Variants in SMDT1 observed in about 807,000 individuals in gnomAD.
SMDT1 encodes essential MCU regulator, mitochondrial.
In SMDT1, 6 loss-of-function variants were observed where a neutral mutation model predicts 5.9. The ratio of observed to expected loss-of-function variants is 1.03; its 90% confidence interval spans 0.56 to 2.02. The LOEUF (loss-of-function observed/expected upper bound fraction) is 2.02, where lower values mean the gene tolerates loss of function less well. Ranked by LOEUF, SMDT1 falls within the 30% of genes most tolerant of loss-of-function variation. The pLI is 0.00. For missense variants in SMDT1, 159 were observed against 145.6 expected (o/e 1.09, Z -0.47); for synonymous variants, 81 against 62.4 (o/e 1.30, Z -1.40).
chr22:42,080,055 C>A, intron 1 of SMDT1, 101 bp downstream of exon 1: 1 of 1,291,974 alleles, frequency 7.7e-7, no homozygotes, highest in Non-Finnish European at 1.1e-6. Flanking sequence ...CCAATCATAA[C>A]GATTACCGTA....
At position 42,083,873 on chromosome 22, in the gene SMDT1, T is replaced by A. The variant is rs1927972321; in HGVS notation, c.*758T>A. On this transcript the variant is annotated 3_prime_UTR_variant, in exon 3 of 3. Coordinates refer to ENST00000331479, the MANE Select transcript of SMDT1 (RefSeq NM_033318.5). Reference sequence around the variant, plus strand: ...CAGGCCATAGAAACTAAAAGTATAATCTTCCTTTGCCCGTCTTCCAGTTGG... The same window carrying A: ...CAGGCCATAGAAACTAAAAGTATAAACTTCCTTTGCCCGTCTTCCAGTTGG... The A allele has an allele frequency of 6.6e-6, 1 of 152,170 alleles. No homozygotes were observed. Among genetic ancestry groups the A allele is most frequent in the South Asian group, 2.1e-4 (1 of 4,832 alleles). The allele number at this position is 152,170 out of a possible 1,614,324, so 9.4% of individuals were successfully genotyped here. A position where few individuals can be genotyped will look rare whatever the true frequency, so the allele number is the denominator to read the frequency against.
At chr22:42,081,832 G>A in intron 1 of SMDT1, 93 bp from the exon 2 acceptor site, 1 of 1,437,524 alleles carries the variant, frequency 7.0e-7, no homozygotes. Context: ...GCTTATGATG[G>A]GTCTGAGGGT....
chr22:42,082,528 A>G (rs1311502772), intron 2 of SMDT1, among the ~76,000 whole-genome samples: 1 of 152,198 alleles, frequency 6.6e-6, no homozygotes, highest in Non-Finnish European at 1.5e-5. Flanking sequence ...TATGTGCTGC[A>G]TGGCATTCTG....
In SMDT1 at chr22:42,079,826, C is replaced by T; in HGVS notation, c.58C>T (p.Arg20Trp). The T allele has an allele frequency of 1.9e-6, 3 of 1,613,442 alleles. No individual in the cohort carries two copies. The highest frequency in any genetic ancestry group is 4.5e-5 in the East Asian group (2 of 44,862). ...VLAPVRSGAL[R>W]SGPSLRKDGD... Reference sequence around the variant, plus strand: ...GGCACCCGTCAGGTCCGGGGCTCTCCGGAGCGGGCCTAGCTTGAGGAAAGA... The same window carrying T: ...GGCACCCGTCAGGTCCGGGGCTCTCTGGAGCGGGCCTAGCTTGAGGAAAGA... The change falls in exon 1 of 3, where the codon CGG becomes TGG. Residue 20 changes from arginine to tryptophan, a missense_variant. By Grantham distance (101) the Arg-to-Trp change is moderately radical. Coordinates refer to ENST00000331479, the MANE Select transcript of SMDT1 (RefSeq NM_033318.5).
rs978736889 is a variant in SMDT1 at position 42,083,535 on chromosome 22, A to G, written c.*420A>G. The G allele has an allele frequency of 6.6e-6, 1 of 152,196 alleles. No homozygotes were observed. Among genetic ancestry groups the G allele is most frequent in the Admixed American group, 6.5e-5 (1 of 15,274 alleles). The allele number at this position is 152,196 out of a possible 1,614,324, so 9.4% of individuals were successfully genotyped here. A position where few individuals can be genotyped will look rare whatever the true frequency, so the allele number is the denominator to read the frequency against. Reference sequence around the variant, plus strand: ...TATTTTCATTGTTTACAAAAGCCCAACAGAAACTGTGCATTTTCCCTTAAG... The same window carrying G: ...TATTTTCATTGTTTACAAAAGCCCAGCAGAAACTGTGCATTTTCCCTTAAG... On this transcript the variant is annotated 3_prime_UTR_variant, in exon 3 of 3. Transcript: ENST00000331479.
chr22:42,082,683 C>G (rs1050007400), intron 2 of SMDT1, among the ~76,000 whole-genome samples: 1 of 152,210 alleles, frequency 6.6e-6, no homozygotes, highest in African/African-American at 2.4e-5. Context: ...TTTTCACACT[C>G]ATACCCACCC....
At chr22:42,082,943 G>A (rs757003420) in intron 2 of SMDT1, among the ~76,000 whole-genome samples, 176 bp from the exon 3 acceptor site, 5 of 152,272 alleles carry the variant, frequency 3.3e-5, no homozygotes, top group South Asian at 2.1e-4. Context: ...ATACATTGCG[G>A]CCCCCAGTGC....
At chr22:42,080,089 C>A in intron 1 of SMDT1, 135 bp downstream of exon 1, 1 of 994,860 alleles carries the variant, frequency 1.0e-6, no homozygotes, top group Non-Finnish European at 1.4e-6. Flanking sequence ...ACCAAGAATA[C>A]GCTAATGAGT....
intron 1 of SMDT1, among the ~76,000 whole-genome samples, 177 bp from the exon 2 acceptor site, chr22:42,081,748 C>T (rs1427532064): frequency 6.6e-6 from 1 of 152,194 alleles, no homozygotes; most frequent in East Asian, 1.9e-4. Flanking sequence ...AGGTGTGAGC[C>T]ACCCTGCCTG....
chr22:42,080,575 G>C (rs568254254), intron 1 of SMDT1, among the ~76,000 whole-genome samples: 2 of 152,216 alleles, frequency 1.3e-5, no homozygotes, highest in Admixed American at 1.3e-4. Flanking sequence ...TCACATGCTT[G>C]AGTTTTTCTA....
At chr22:42,081,879 C>T (rs987588801) in intron 1 of SMDT1, 46 bp from the exon 2 acceptor site, 3 of 1,610,290 alleles carry the variant, frequency 1.9e-6, no homozygotes, top group Non-Finnish European at 2.5e-6. Context: ...TTGGTCCTGC[C>T]AGAGTGGGCT....
At position 42,083,706 on chromosome 22, in the gene SMDT1, T is replaced by C. The variant is rs930329111; in HGVS notation, c.*591T>C. Reference sequence around the variant, plus strand: ...ATATGAGGATATAGATAGGTTTTCATCTATTTCCTGGCTTATAACTCCCAA... The same window carrying C: ...ATATGAGGATATAGATAGGTTTTCACCTATTTCCTGGCTTATAACTCCCAA... On this transcript the variant is annotated 3_prime_UTR_variant, in exon 3 of 3. Transcript: ENST00000331479. The C allele has an allele frequency of 1.3e-5, 2 of 152,198 alleles. No homozygotes were observed. Among genetic ancestry groups the C allele is most frequent in the African/African-American group, 2.4e-5 (1 of 41,448 alleles). The allele number at this position is 152,198 out of a possible 1,614,324, so 9.4% of individuals were successfully genotyped here. A position where few individuals can be genotyped will look rare whatever the true frequency, so the allele number is the denominator to read the frequency against.
rs895630982 is a variant in SMDT1 at position 42,083,320 on chromosome 22, GCAAT to G, written c.*209_*212del. 8 of 152,596 alleles carry G rather than the reference GCAAT, an allele frequency of 5.2e-5. No homozygotes were observed. The highest frequency in any genetic ancestry group is 2.4e-5 in the African/African-American group (1 of 41,440). The allele number at this position is 152,596 out of a possible 1,614,324, so 9.5% of individuals were successfully genotyped here. The stretch of plus-strand genomic sequence containing the variant: ...TGTCCACTAAGCACTGCACAAACAA[GCAAT>G]CAAATTATGAATAAACATAATAAAT... On this transcript the variant is annotated 3_prime_UTR_variant, in exon 3 of 3. Transcript: ENST00000331479.
chr22:42,080,089 C>G, intron 1 of SMDT1, 135 bp downstream of exon 1: 1 of 994,860 alleles, frequency 1.0e-6, no homozygotes, highest in Non-Finnish European at 1.4e-6. Context: ...ACCAAGAATA[C>G]GCTAATGAGT....
In SMDT1 at chr22:42,081,987, C is replaced by G. The variant is rs768943522; in HGVS notation, c.249C>G (p.Leu83=). 3 of 1,613,944 alleles carry G rather than the reference C, an allele frequency of 1.9e-6. No individual in the cohort carries two copies. Among genetic ancestry groups the G allele is most frequent in the Non-Finnish European group, 2.5e-6 (3 of 1,180,040 alleles). The change falls in exon 2 of 3, where the codon CTC becomes CTG. Residue 83 remains leucine (L), a synonymous_variant. Transcript: ENST00000331479. Reference sequence around the variant, plus strand: ...TCCCCTTTCTCTATGTCGGGACACTCATTAGCAAGAACTTTGCTGCTCTAC... The same window carrying G: ...TCCCCTTTCTCTATGTCGGGACACTGATTAGCAAGAACTTTGCTGCTCTAC... ...IVIPFLYVGT[L]ISKNFAALLE...
rs1484383361 is a variant in SMDT1 at position 42,081,964 on chromosome 22, C to T, written c.226C>T (p.Pro76Ser). 6.2e-7 allele frequency: 1 copy of T among 1,614,072 alleles called. No individual in the cohort carries two copies. The highest frequency in any genetic ancestry group is 1.6e-4 in the Middle Eastern group (1 of 6,062). The change falls in exon 2 of 3, where the codon CCC becomes TCC. Residue 76 changes from proline to serine, a missense_variant. Physicochemically the swap from Pro to Ser is moderately conservative, Grantham distance 74 (BLOSUM62 -1). Coordinates refer to ENST00000331479, the MANE Select transcript of SMDT1 (RefSeq NM_033318.5). ...GLLRVFSIVIPFLYVGTLISK... is the reference protein window; with the variant it reads ...GLLRVFSIVISFLYVGTLISK... ...TCTCCGTGTGTTCTCCATTGTGATCCCCTTTCTCTATGTCGGGACACTCAT... is the reference window on the plus strand; with the variant it reads ...TCTCCGTGTGTTCTCCATTGTGATCTCCTTTCTCTATGTCGGGACACTCAT...
rs1204768517 is a variant in SMDT1 at position 42,079,873 on chromosome 22, G to T, written c.105G>T (p.Trp35Cys). Residue 35 changes from tryptophan to cysteine, a missense_variant, in exon 1 of 3, where the codon TGG becomes TGT. Transcript: ENST00000331479. ...LRKDGDVSAA[W>C]SGSGRSLVPS... ...AAGATGGCGATGTCTCCGCCGCATG[G>T]AGCGGCTCAGGCCGGAGCCTGGTAC... 2 of 1,614,240 alleles carry T rather than the reference G, an allele frequency of 1.2e-6. No individual in the cohort carries two copies. The highest frequency in any genetic ancestry group is 1.7e-5 in the Admixed American group (1 of 60,030).
rs1307770410 is a variant in SMDT1 at position 42,079,813 on chromosome 22, G to A, written c.45G>A (p.Arg15=). 2.5e-6 allele frequency: 4 copies of A among 1,612,512 alleles called. No individual in the cohort carries two copies. Among genetic ancestry groups the A allele is most frequent in the Non-Finnish European group, 1.7e-6 (2 of 1,179,918 alleles). The change falls in exon 1 of 3, where the codon AGG becomes AGA. Residue 15 remains arginine, a synonymous_variant. Transcript: ENST00000331479. The part of the protein sequence containing the change: ...AARWLVLAPV[R]SGALRSGPSL... The stretch of plus-strand genomic sequence containing the variant: ...GCTGGCTAGTATTGGCACCCGTCAG[G>A]TCCGGGGCTCTCCGGAGCGGGCCTA...
rs201401723 is a variant in SMDT1 at position 42,081,471 on chromosome 22, C to CT, written c.187-446dup. On this transcript the variant is annotated intron_variant, in intron 1 of 2. Coordinates refer to ENST00000331479, the MANE Select transcript of SMDT1 (RefSeq NM_033318.5). The stretch of plus-strand genomic sequence containing the variant: ...TGAGCCACTGCGCCCGGCCTTTTGT[C>CT]TTTTTTTTAGACAGAGCCTCACTCT... Among the ~76,000 whole-genome samples the CT allele has an allele frequency of 3.5e-3, 484 of 137,486 alleles. 11 individuals carry two copies. The highest frequency in any genetic ancestry group is 0.025 in the East Asian group (113 of 4,576). 90.2% of individuals were successfully genotyped at this position (137,486 alleles called of 152,430 possible). A position where few individuals can be genotyped will look rare whatever the true frequency, so the allele number is the denominator to read the frequency against.
Sources: allele counts gnomAD v4.1 joint callset (sites outside exome capture counted in the v4.1 genomes callset), GRCh38; gene constraint gnomAD v4.1.1; transcripts MANE v1.5; gene names NCBI Gene and HGNC (gene_info 2026-07-23, HGNC 2026-07-21).